COL26A1: variants seen among roughly 807,000 people sequenced by gnomAD.
The protein encoded by COL26A1 is collagen alpha-1(XXVI) chain.
A neutral mutation model predicts 59.3 loss-of-function variants in COL26A1; 41 were observed. The ratio of observed to expected loss-of-function variants is 0.69; its 90% CI spans 0.54 to 0.90. The LOEUF is 0.90. Ranked by LOEUF, COL26A1 falls within the 40% of genes least tolerant of loss-of-function variation. The pLI, the probability that COL26A1 is intolerant of heterozygous loss-of-function variation, is 0.00. For missense variants in COL26A1, 612 were observed against 602.3 expected, an observed-to-expected ratio of 1.02 and a Z score of -0.17; for synonymous variants, 266 against 256.0, an observed-to-expected ratio of 1.04 and a Z score of -0.37.
chr7:101,554,074 GT>G (rs1321657103), intron 11 of COL26A1, among the ~76,000 whole-genome samples: 4 of 152,028 alleles, frequency 2.6e-5, no homozygotes, highest in African/African-American at 9.7e-5. Flanking sequence ...GGTGTACAGG[GT>G]CCCTGCCCTG....
At position 101,402,555 on chromosome 7, in the gene COL26A1, T is replaced by TTTTC. The variant is rs146569482; in HGVS notation, c.159-17405_159-17402dup. On this transcript the variant is annotated intron_variant, in intron 1 of 12. Transcript: ENST00000313669. ...TCTTTCTTTTCTTCTTTCTTTCTCT[T>TTTTC]TTTCTTTCTTTCTTTCTTTCCTTCA... 2.6e-3 allele frequency among the ~76,000 whole-genome samples: 390 copies of TTTTC among 151,402 alleles called. 9 individuals are homozygous for TTTTC. In the East Asian group the frequency reaches 0.053, roughly 21 times the overall value.
At chr7:101,378,078 C>A (rs539019637) in intron 1 of COL26A1, among the ~76,000 whole-genome samples, 42 of 152,108 alleles carry the variant, frequency 2.8e-4, no homozygotes, top group African/African-American at 1.0e-3. Flanking sequence ...GCTAATTTAT[C>A]ATTTAAAAAT....
rs188451867 is a variant in COL26A1 at position 101,369,097 on chromosome 7, G to A, written c.158+5907G>A. Among the ~76,000 whole-genome samples the A allele has an allele frequency of 4.0e-3, 604 of 151,990 alleles. 3 individuals are homozygous for A. Among genetic ancestry groups the A allele is most frequent in the African/African-American group, 0.014 (577 of 41,480 alleles). On this transcript the variant is annotated intron_variant, in intron 1 of 12. Transcript: ENST00000313669. The stretch of plus-strand genomic sequence containing the variant: ...GCCTTTTTCCATCATAACGTGTTGT[G>A]GAGATGGCTCTATCAAAAAGCAAAG...
At chr7:101,372,934 G>A (rs547030330) in intron 1 of COL26A1, among the ~76,000 whole-genome samples, 7 of 152,286 alleles carry the variant, frequency 4.6e-5, no homozygotes, top group African/African-American at 1.4e-4. Context: ...GTTTGAGGCC[G>A]CAGTGAACTA....
intron 1 of COL26A1, among the ~76,000 whole-genome samples, chr7:101,385,432 G>A (rs1227799966): frequency 6.7e-6 from 1 of 149,528 alleles, no homozygotes. Context: ...GTGCAGTGGC[G>A]TGATCTTGGC....
chr7:101,508,829 GT>G lies in COL26A1; in HGVS notation c.386-24251del, dbSNP rs1794864371. Reference sequence around the variant, plus strand: ...TCCCACCTGTATTAGTTCGTTTTGTGTTGCTATAAAGGAATACTTGAGGCTG... The same window carrying G: ...TCCCACCTGTATTAGTTCGTTTTGTGTGCTATAAAGGAATACTTGAGGCTG... On this transcript the variant is annotated intron_variant, in intron 3 of 12. Transcript: ENST00000313669. 3.9e-5 allele frequency among the ~76,000 whole-genome samples: 6 copies of G among 152,168 alleles called. No homozygotes were observed. The East Asian group carries it at 1.2e-3, about 30-fold the overall frequency.
chr7:101,491,594 A>C (rs1474580139), intron 3 of COL26A1, among the ~76,000 whole-genome samples: 4 of 152,224 alleles, frequency 2.6e-5, no homozygotes, highest in Non-Finnish European at 5.9e-5. Context: ...GATATGCTAA[A>C]CAAGGGGTGG....
chr7:101,548,119 T>C (rs1362221047), intron 8 of COL26A1, among the ~76,000 whole-genome samples: 1 of 152,082 alleles, frequency 6.6e-6, no homozygotes, highest in Non-Finnish European at 1.5e-5. Flanking sequence ...GCTCAGAGGG[T>C]ACCTGGGGGC....
Position 101,363,082 on chromosome 7 carries a change from C to T in COL26A1, c.50C>T (p.Ser17Leu), listed in dbSNP as rs753778285. 3.8e-6 allele frequency: 6 copies of T among 1,577,500 alleles called. No individual in the cohort carries two copies. The highest frequency in any genetic ancestry group is 2.3e-5 in the South Asian group (2 of 87,644). ...LPWACCCLCG[S>L]ALATGFLYPF... ...TGGGCGTGTTGCTGCCTCTGCGGGT[C>T]GGCGCTGGCCACCGGCTTCCTCTAT... Residue 17 changes from serine (S) to leucine (L), a missense_variant, in exon 1 of 13, where the codon TCG becomes TTG. Ser to Leu is a moderately radical substitution (Grantham distance 145). Coordinates refer to ENST00000313669, the MANE Select transcript of COL26A1 (RefSeq NM_001278563.3).
At chr7:101,474,024 C>A (rs1374108458) in intron 3 of COL26A1, among the ~76,000 whole-genome samples, 1 of 152,090 alleles carries the variant, frequency 6.6e-6, no homozygotes, top group Non-Finnish European at 1.5e-5. Flanking sequence ...TGGTGGGCAC[C>A]CATGAAACAG....
chr7:101,508,081 T>G (rs1307166901), intron 3 of COL26A1, among the ~76,000 whole-genome samples: 2 of 152,174 alleles, frequency 1.3e-5, no homozygotes, highest in African/African-American at 4.8e-5. Context: ...CCCTCCAGCC[T>G]CATGTCTTCC....
chr7:101,503,322 C>T (rs912215150), intron 3 of COL26A1, among the ~76,000 whole-genome samples: 3 of 152,150 alleles, frequency 2.0e-5, no homozygotes, highest in Admixed American at 6.5e-5. Flanking sequence ...AACTGTCCCA[C>T]GTGCAGGAGT....
At chr7:101,489,697 C>CTTTCTT (rs371040898) in intron 3 of COL26A1, among the ~76,000 whole-genome samples, 1,848 of 18,572 alleles carry the variant, frequency 0.1, 503 homozygotes, top group Non-Finnish European at 0.14. Flanking sequence ...TTCTTTCTTT[C>CTTTCTT]TGTCTTTCTT....
At chr7:101,529,128 T>C (rs1176151539) in intron 3 of COL26A1, among the ~76,000 whole-genome samples, 2 of 152,022 alleles carry the variant, frequency 1.3e-5, no homozygotes, top group Non-Finnish European at 1.5e-5. Context: ...ATTGTACCAC[T>C]GCACTTCAGC....
chr7:101,443,803 A>T (rs913071866), intron 2 of COL26A1, among the ~76,000 whole-genome samples: 1 of 146,258 alleles, frequency 6.8e-6, no homozygotes, highest in Admixed American at 6.8e-5. Context: ...TTTTGCAAGA[A>T]TTTTTTTTTT....
intron 3 of COL26A1, among the ~76,000 whole-genome samples, chr7:101,459,006 G>C (rs1793545337): frequency 6.6e-6 from 1 of 152,176 alleles, no homozygotes; most frequent in Non-Finnish European, 1.5e-5. Flanking sequence ...GTAAAGTGAG[G>C]TTTCACTATG....
chr7:101,459,052 G>A (rs1011410912), intron 3 of COL26A1, among the ~76,000 whole-genome samples: 2 of 152,072 alleles, frequency 1.3e-5, no homozygotes, highest in African/African-American at 2.4e-5. Context: ...GGCCTCAAGC[G>A]ATCCTCCCAC....
chr7:101,420,204 A>T, intron 2 of COL26A1, 105 bp downstream of exon 2: 2 of 1,398,540 alleles, frequency 1.4e-6, no homozygotes, highest in Non-Finnish European at 2.0e-6. Context: ...TCACAGACAA[A>T]GGCTGAGCAT....
intron 3 of COL26A1, among the ~76,000 whole-genome samples, chr7:101,459,113 T>C (rs2130419484): frequency 6.6e-6 from 1 of 151,936 alleles, no homozygotes; most frequent in Middle Eastern, 3.4e-3. Flanking sequence ...TGTGCCTGGC[T>C]GAACAGGGAT....
Sources: gnomAD v4.1 joint callset for allele counts (sites outside exome capture counted in the v4.1 genomes callset) on GRCh38, gnomAD v4.1.1 for gene constraint, MANE v1.5 for transcripts, NCBI Gene and HGNC (gene_info 2026-07-23, HGNC 2026-07-21) for gene names.